GPM6B: variants seen among roughly 807,000 people sequenced by gnomAD.
GPM6B encodes the protein glycoprotein M6B, also known as neuronal membrane glycoprotein M6-b.
A neutral mutation model predicts 27.2 loss-of-function variants in GPM6B; 4 were observed. That is an observed-to-expected ratio of 0.15 (90% CI 0.07 to 0.34). The LOEUF (loss-of-function observed/expected upper bound fraction) is 0.34, where lower values mean the gene tolerates loss of function less well. Among genes scored for constraint, GPM6B ranks in the 10% least tolerant of loss-of-function variants. The pLI is 1.00. For missense variants in GPM6B, 183 were observed against 261.9 expected (o/e 0.70, Z 2.08); for synonymous variants, 124 against 103.1 (o/e 1.20, Z -1.23).
At chrX:13,864,277 C>T (rs754861046) in intron 1 of GPM6B, among the ~76,000 whole-genome samples, 1 of 112,881 alleles carries the variant, frequency 8.9e-6, no homozygotes, top group East Asian at 2.8e-4. Context: ...TCTTATTCAG[C>T]AAAAAAGTAG....
At chrX:13,779,723 A>C in intron 5 of GPM6B, 95 bp downstream of exon 5, 5 of 684,865 alleles carry the variant, frequency 7.3e-6, no homozygotes, top group Non-Finnish European at 1.1e-5. Context: ...ACAGATCATG[A>C]CAATTAAAAG....
At chrX:13,779,738 C>T (rs919000223) in intron 5 of GPM6B, 80 bp downstream of exon 5, 29 of 744,167 alleles carry the variant, frequency 3.9e-5, no homozygotes, top group Admixed American at 1.5e-4. Context: ...TAAAAGGATG[C>T]GCATGTAATA....
chrX:13,793,499 T>C (rs1162773426), intron 2 of GPM6B, among the ~76,000 whole-genome samples: 2 of 112,176 alleles, frequency 1.8e-5, no homozygotes, highest in Non-Finnish European at 3.8e-5. Flanking sequence ...CTATCTCAGA[T>C]AGCTTTGGGT....
intron 1 of GPM6B, among the ~76,000 whole-genome samples, chrX:13,852,120 A>T (rs1002706696): frequency 1.8e-5 from 2 of 110,887 alleles, no homozygotes; most frequent in Non-Finnish European, 3.8e-5. Context: ...AGAATAGTCA[A>T]TATTTTAGGT....
chrX:13,817,176 C>T (rs768581703), upstream of GPM6B: 6 of 904,259 alleles, frequency 6.6e-6, no homozygotes, highest in South Asian at 2.8e-4. Flanking sequence ...AGCCATTCGG[C>T]GCCCGGTGGT....
At chrX:13,886,653 C>T (rs1261482344) in intron 1 of GPM6B, among the ~76,000 whole-genome samples, 1 of 94,382 alleles carries the variant, frequency 1.1e-5, no homozygotes, top group Non-Finnish European at 2.0e-5. Context: ...CAGGACTGAC[C>T]ATCAACATCA....
intron 1 of GPM6B, among the ~76,000 whole-genome samples, chrX:13,898,333 C>T (rs1401986226): frequency 8.9e-6 from 1 of 112,300 alleles, no homozygotes; most frequent in Non-Finnish European, 1.9e-5. Flanking sequence ...GAACAAATCG[C>T]TTCTGAGTGA....
chrX:13,785,756 C>G lies in GPM6B; in HGVS notation c.234G>C (p.Leu78=), dbSNP rs758444318. Reference sequence around the variant, plus strand: ...CGGAGAAGCAGAGGATGGTGGCCACCAGGGAGGCGTAGGGGACTCCTCCCA... The same window carrying G: ...CGGAGAAGCAGAGGATGGTGGCCACGAGGGAGGCGTAGGGGACTCCTCCCA... ...KCLGGVPYAS[L]VATILCFSGV... is the part of the protein sequence containing the mutation. Residue 78 remains leucine (L), a synonymous_variant, in exon 3 of 8, where the codon CTG becomes CTC. Coordinates refer to ENST00000316715, the MANE Select transcript of GPM6B (RefSeq NM_001001995.3). 9 of 1,209,750 alleles carry G rather than the reference C, an allele frequency of 7.4e-6. No homozygotes were observed. In the East Asian group the frequency reaches 2.1e-4, roughly 28 times the overall value.
At position 13,866,978 on chromosome X, in the gene GPM6B, G is replaced by T. The variant is rs145150001; in HGVS notation, c.-198+71349C>A. Among the ~76,000 whole-genome samples, 765 of 112,191 alleles carry T rather than the reference G, an allele frequency of 6.8e-3. 8 individuals are homozygous for T. The highest frequency in any genetic ancestry group is 0.023 in the African/African-American group (724 of 30,909). ...CAAGAGTCTAGAAGAGACAATTGAAGAATATTCTGCAAGCACTTAGAACAT... is the reference window on the plus strand; with the variant it reads ...CAAGAGTCTAGAAGAGACAATTGAATAATATTCTGCAAGCACTTAGAACAT... On this transcript the variant is annotated intron_variant, in intron 1 of 6. Transcript: ENST00000398361.
intron 4 of GPM6B, among the ~76,000 whole-genome samples, chrX:13,782,071 TC>T (rs2048526399): frequency 1.8e-5 from 2 of 111,415 alleles, no homozygotes; most frequent in African/African-American, 6.5e-5. Context: ...CCTCACACCC[TC>T]CAAGGCAGGT....
chrX:13,793,453 A>C (rs1252112772), intron 2 of GPM6B, among the ~76,000 whole-genome samples: 1 of 111,373 alleles, frequency 9.0e-6, no homozygotes, highest in Non-Finnish European at 1.9e-5. Flanking sequence ...CAGGTTCTTA[A>C]GCTTGCTAAA....
At chrX:13,931,497 AG>A (rs1921558098) in intron 1 of GPM6B, among the ~76,000 whole-genome samples, 2 of 110,306 alleles carry the variant, frequency 1.8e-5, no homozygotes, top group African/African-American at 3.3e-5. Flanking sequence ...CAAAAAAAAA[AG>A]AAAAAAGAAA....
chrX:13,898,707 G>A (rs1187174146), intron 1 of GPM6B, among the ~76,000 whole-genome samples: 1 of 112,160 alleles, frequency 8.9e-6, no homozygotes, highest in Admixed American at 9.4e-5. Flanking sequence ...TTTATGTTTG[G>A]TTTGATGTGT....
intron 1 of GPM6B, among the ~76,000 whole-genome samples, chrX:13,885,863 G>A (rs963884148): frequency 8.9e-6 from 1 of 111,906 alleles, no homozygotes; most frequent in Non-Finnish European, 1.9e-5. Flanking sequence ...GCCTTAGAGA[G>A]GAAGTCTGAT....
At chrX:13,853,003 T>C (rs2049737328) in intron 1 of GPM6B, among the ~76,000 whole-genome samples, 1 of 110,558 alleles carries the variant, frequency 9.0e-6, no homozygotes, top group Non-Finnish European at 1.9e-5. Context: ...AGGATAAATT[T>C]CCAGAAGTGG....
At chrX:13,785,073 A>G (rs1253501352) in intron 3 of GPM6B, among the ~76,000 whole-genome samples, 3 of 111,202 alleles carry the variant, frequency 2.7e-5, no homozygotes, top group Non-Finnish European at 3.8e-5. Context: ...CCATGTGTGG[A>G]GTGTCCTATG....
chrX:13,822,496 G>A (rs1158048715), intron 1 of GPM6B, among the ~76,000 whole-genome samples: 1 of 109,808 alleles, frequency 9.1e-6, no homozygotes, highest in Non-Finnish European at 1.9e-5. Flanking sequence ...CTCCCCAGTC[G>A]CTGGGACTAC....
chrX:13,935,189 C>T (rs1031353399), intron 1 of GPM6B, among the ~76,000 whole-genome samples: 8 of 110,873 alleles, frequency 7.2e-5, no homozygotes, highest in Non-Finnish European at 1.1e-4. Context: ...ATTTCGTATA[C>T]AGTTTCCATT....
intron 1 of GPM6B, among the ~76,000 whole-genome samples, chrX:13,911,918 A>G (rs2050382077): frequency 8.9e-6 from 1 of 112,321 alleles, no homozygotes; most frequent in African/African-American, 3.2e-5. Flanking sequence ...TTGCTACCAA[A>G]GTGTTGGAAA....
Sources: gnomAD v4.1 joint callset for allele counts (sites outside exome capture counted in the v4.1 genomes callset) on GRCh38, gnomAD v4.1.1 for gene constraint, MANE v1.5 for transcripts, NCBI Gene and HGNC (gene_info 2026-07-23, HGNC 2026-07-21) for gene names.